Variants in FGF6 observed in about 807,000 individuals in gnomAD.
FGF6 encodes the protein FGF-6.
A neutral mutation model predicts 18.4 loss-of-function variants in FGF6; 14 were observed. The ratio of observed to expected loss-of-function variants is 0.76; its 90% CI spans 0.50 to 1.19. The LOEUF (loss-of-function observed/expected upper bound fraction) is 1.19. FGF6 is among the 50% of genes most tolerant of loss of function. The pLI, the probability that FGF6 is intolerant of heterozygous loss-of-function variation, is 0.00. For missense variants in FGF6, 266 were observed against 271.6 expected, an observed-to-expected ratio of 0.98 and a Z score of 0.15; for synonymous variants, 125 against 116.7, an observed-to-expected ratio of 1.07 and a Z score of -0.46.
rs2137024991 is a variant in FGF6, at chr12:4,434,250, T to C, written c.592A>G (p.Ile198Val). The change falls in exon 3 of 3, where the codon ATC becomes GTC. Residue 198 changes from isoleucine to valine, a missense_variant. Physicochemically the swap from Ile to Val is conservative, Grantham distance 29. Transcript: ENST00000228837. The part of the protein sequence containing the change: ...RVKRGSKVSP[I>V]MTVTHFLPRI Reference sequence around the variant, plus strand: ...GGAAGGAAATGAGTGACAGTCATGATCGGGGACACCTTGCTGCCCCGCTTT... The same window carrying C: ...GGAAGGAAATGAGTGACAGTCATGACCGGGGACACCTTGCTGCCCCGCTTT... 1.2e-6 allele frequency: 2 copies of C among 1,614,184 alleles called. No homozygotes were observed. Among genetic ancestry groups the C allele is most frequent in the Middle Eastern group, 1.7e-4 (1 of 6,042 alleles).
intron 2 of FGF6, among the ~76,000 whole-genome samples, chr12:4,434,960 G>C (rs901017765): frequency 2.0e-5 from 3 of 152,024 alleles, no homozygotes; most frequent in Non-Finnish European, 1.5e-5. Context: ...GCGGTTGGTG[G>C]AGGGGGAGGA....
chr12:4,434,252 G>T lies in FGF6; in HGVS notation c.590C>A (p.Pro197Gln), dbSNP rs567606742. 9.3e-6 allele frequency: 15 copies of T among 1,614,146 alleles called. No homozygotes were observed. The Middle Eastern group carries it at 6.6e-4, about 71-fold the overall frequency. ...GRVKRGSKVS[P>Q]IMTVTHFLPR... is the part of the protein sequence containing the mutation. ...AAGGAAATGAGTGACAGTCATGATC[G>T]GGGACACCTTGCTGCCCCGCTTTAC... Residue 197 changes from proline to glutamine, a missense_variant, in exon 3 of 3, where the codon CCG becomes CAG. Physicochemically the swap from Pro to Gln is moderately conservative, Grantham distance 76. Coordinates refer to ENST00000228837, the MANE Select transcript of FGF6 (RefSeq NM_020996.3).
Position 4,434,329 on chromosome 12 carries a change from G to C in FGF6, c.513C>G (p.Tyr171Ter). The change falls in exon 3 of 3, where the codon TAC becomes TAG. Residue 171 changes from tyrosine (Y) to a stop codon, truncating the protein, a stop_gained. Coordinates refer to ENST00000228837, the MANE Select transcript of FGF6 (RefSeq NM_020996.3). LOFTEE classifies it high-confidence loss of function. Reference sequence around the variant, plus strand: ...AGGTCCCTTGGTACAAGTCTGACTCGTAGGCATTGTAATTGTTGGGCAGGA... The same window carrying C: ...AGGTCCCTTGGTACAAGTCTGACTCCTAGGCATTGTAATTGTTGGGCAGGA... ...ETLLPNNYNA[Y>*]ESDLYQGTYI... 2 of 1,614,158 alleles carry C rather than the reference G, an allele frequency of 1.2e-6. No homozygotes were observed. The highest frequency in any genetic ancestry group is 1.7e-6 in the Non-Finnish European group (2 of 1,180,032).
At position 4,445,669 on chromosome 12, in the gene FGF6, G is replaced by A; in HGVS notation, c.-99C>T. The A allele has an allele frequency of 9.9e-7, 1 of 1,012,812 alleles. No homozygotes were observed. The highest frequency in any genetic ancestry group is 1.4e-6 in the Non-Finnish European group (1 of 710,810). The allele number at this position is 1,012,812 out of a possible 1,614,324, so 62.7% of individuals were successfully genotyped here. On this transcript the variant is annotated 5_prime_UTR_variant, in exon 1 of 3. The change creates a premature stop within an existing upstream ORF in the 5' untranslated region. Coordinates refer to ENST00000228837, the MANE Select transcript of FGF6 (RefSeq NM_020996.3). This position sits in a 1 kb window ranked among gnomAD's most constrained non-coding sequence, Gnocchi z 5.5. ...GGCATGGCGGCAGGGGCTTATTTTT[G>A]GAAGGCAGATGAAGGCTGCTGACAT...
Position 4,444,130 on chromosome 12 carries a change from C to G in FGF6, c.450+3G>C. On this transcript the variant is annotated splice_donor_region_variant and intron_variant, in intron 2 of 2. Coordinates refer to ENST00000228837, the MANE Select transcript of FGF6 (RefSeq NM_020996.3). ...TGGCACTTCCCCGGCCTGGTGAACT[C>G]ACCGTTGCGTACAATCTTCCTTTAC... 1 of 1,603,600 alleles carries G rather than the reference C, an allele frequency of 6.2e-7. No homozygotes were observed. Among genetic ancestry groups the G allele is most frequent in the Non-Finnish European group, 8.5e-7 (1 of 1,170,870 alleles).
At chr12:4,435,148 C>T (rs1270643835) in intron 2 of FGF6, among the ~76,000 whole-genome samples, 6 of 152,076 alleles carry the variant, frequency 3.9e-5, no homozygotes, top group African/African-American at 1.2e-4. Flanking sequence ...CAGGGGTCCC[C>T]GACCCCCAGG....
chr12:4,437,358 C>T (rs780327749), intron 2 of FGF6, among the ~76,000 whole-genome samples: 5 of 152,118 alleles, frequency 3.3e-5, no homozygotes, highest in Admixed American at 6.5e-5. Flanking sequence ...TTAAGCTCTG[C>T]GGTTTTTGAT....
intron 2 of FGF6, among the ~76,000 whole-genome samples, chr12:4,439,422 A>C (rs1865662295): frequency 6.6e-6 from 1 of 152,144 alleles, no homozygotes; most frequent in South Asian, 2.1e-4. Flanking sequence ...TGAAATCTTG[A>C]GGTGGAGGAA....
chr12:4,445,552 G>T lies in FGF6; in HGVS notation c.19C>A (p.Leu7Met), dbSNP rs1232603436. Reference sequence around the variant, plus strand: ...GCTCCCCGGGACATAGTGATGAACAGTTTCTGTCCCAGGGCCATCCACCTT... The same window carrying T: ...GCTCCCCGGGACATAGTGATGAACATTTTCTGTCCCAGGGCCATCCACCTT... Reference protein sequence around the residue: MALGQKLFITMSRGAGR... With the variant: MALGQKMFITMSRGAGR... The change falls in exon 1 of 3, where the codon CTG (leucine) becomes ATG (methionine). Residue 7 changes from leucine (L) to methionine (M), a missense_variant. Coordinates refer to ENST00000228837, the MANE Select transcript of FGF6 (RefSeq NM_020996.3). The surrounding 1 kb of genome is among the most constrained non-coding windows in gnomAD (Gnocchi z 5.5). The T allele has an allele frequency of 3.1e-6, 5 of 1,597,616 alleles. No individual in the cohort carries two copies. The highest frequency in any genetic ancestry group is 1.3e-5 in the African/African-American group (1 of 74,722).
At position 4,434,235 on chromosome 12, in the gene FGF6, G is replaced by A. The variant is rs746093109; in HGVS notation, c.607C>T (p.His203Tyr). The stretch of plus-strand genomic sequence containing the variant: ...GGTCCTTAGATCCTGGGAAGGAAAT[G>A]AGTGACAGTCATGATCGGGGACACC... ...SKVSPIMTVT[H>Y]FLPRI Residue 203 changes from histidine (H) to tyrosine (Y), a missense_variant, in exon 3 of 3, where the codon CAT becomes TAT. By Grantham distance (83) the His-to-Tyr change is moderately conservative (BLOSUM62 2). Transcript: ENST00000228837. The A allele has an allele frequency of 6.2e-7, 1 of 1,614,130 alleles. No homozygotes were observed. Among genetic ancestry groups the A allele is most frequent in the South Asian group, 1.1e-5 (1 of 91,076 alleles).
At position 4,439,152 on chromosome 12, in the gene FGF6, C is replaced by T. The variant is rs367606992; in HGVS notation, c.451-4761G>A. Among the ~76,000 whole-genome samples the T allele has an allele frequency of 9.2e-5, 14 of 151,968 alleles. No homozygotes were observed. In the East Asian group the frequency reaches 1.5e-3, roughly 17 times the overall value. On this transcript the variant is annotated intron_variant, in intron 2 of 2. Transcript: ENST00000228837. ...TGTTCCTGTGTTACCTAGTCAAGTACGTAAATTATTTAAAGTGGGAAGGGA... is the reference window on the plus strand; with the variant it reads ...TGTTCCTGTGTTACCTAGTCAAGTATGTAAATTATTTAAAGTGGGAAGGGA...
rs568860584 is a variant in FGF6, at chr12:4,441,861, C to T, written c.450+2272G>A. ...CAATTGTTTTTTTAGACTGTGATAA[C>T]GGCCTCTGAGGGGCGGAGAGGGAGG... On this transcript the variant is annotated intron_variant, in intron 2 of 2. Transcript: ENST00000228837. Among the ~76,000 whole-genome samples, 37 of 152,166 alleles carry T rather than the reference C, an allele frequency of 2.4e-4. 1 individual carries two copies. The highest frequency in any genetic ancestry group is 7.5e-4 in the African/African-American group (31 of 41,510).
chr12:4,438,157 G>A (rs1037457081), intron 2 of FGF6, among the ~76,000 whole-genome samples: 10 of 152,150 alleles, frequency 6.6e-5, no homozygotes, highest in Admixed American at 4.6e-4. Flanking sequence ...AAGAGAATAT[G>A]CCTAATAAGA....
intron 1 of FGF6, 52 bp from the exon 2 acceptor site, chr12:4,444,288 G>T (rs1481169447): frequency 1.6e-6 from 2 of 1,287,646 alleles, no homozygotes; most frequent in South Asian, 2.5e-5. Context: ...AATCAGAGTG[G>T]GAACTTGAGC....
chr12:4,439,288 CT>C (rs1308946335), intron 2 of FGF6, among the ~76,000 whole-genome samples: 3 of 152,216 alleles, frequency 2.0e-5, no homozygotes, highest in Admixed American at 6.5e-5. Context: ...AGCCTCCCCC[CT>C]GTTCTAACTT....
chr12:4,445,302 C>T lies in FGF6; in HGVS notation c.269G>A (p.Cys90Tyr). ...VGIKRQRRLY[C>Y]NVGIGFHLQV... The stretch of plus-strand genomic sequence containing the variant: ...GAGGTGAAAGCCGATGCCCACGTTG[C>T]AGTAGAGCCTCCGCTGCCGCTTGAT... The change falls in exon 1 of 3, where the codon TGC becomes TAC. Residue 90 changes from cysteine to tyrosine, a missense_variant. Transcript: ENST00000228837. The surrounding 1 kb of genome is among the most constrained non-coding windows in gnomAD (Gnocchi z 5.5). The T allele has an allele frequency of 6.2e-7, 1 of 1,614,122 alleles. No individual in the cohort carries two copies. The highest frequency in any genetic ancestry group is 8.5e-7 in the Non-Finnish European group (1 of 1,180,038).
chr12:4,442,855 G>A (rs1408543355), intron 2 of FGF6, among the ~76,000 whole-genome samples: 1 of 152,210 alleles, frequency 6.6e-6, no homozygotes, highest in Admixed American at 6.5e-5. Flanking sequence ...GCCCTCCAGA[G>A]GCCATGTAGC....
intron 2 of FGF6, among the ~76,000 whole-genome samples, chr12:4,434,726 C>A (rs1347876864): frequency 6.6e-6 from 1 of 152,112 alleles, no homozygotes; most frequent in Non-Finnish European, 1.5e-5. Context: ...CTACTAAGTC[C>A]CTAGATGGTA....
intron 2 of FGF6, among the ~76,000 whole-genome samples, chr12:4,439,305 G>A (rs1865660863): frequency 6.6e-6 from 1 of 152,148 alleles, no homozygotes; most frequent in South Asian, 2.1e-4. Context: ...AACTTTGTAT[G>A]TCCCTGGAGA....
Sources: gnomAD v4.1 joint callset for allele counts (sites outside exome capture counted in the v4.1 genomes callset) on GRCh38, gnomAD v4.1.1 for gene constraint, Gnocchi (gnomAD v3.1) non-coding constraint, MANE v1.5 for transcripts, NCBI Gene and HGNC (gene_info 2026-07-23, HGNC 2026-07-21) for gene names.